DROSHA: variants seen among roughly 807,000 people sequenced by gnomAD.
The protein encoded by DROSHA is ribonuclease 3.
A neutral mutation model predicts 181.9 loss-of-function variants in DROSHA; 56 were observed. The observed-to-expected ratio is 0.31, with a 90% CI of 0.25 to 0.38. The LOEUF (loss-of-function observed/expected upper bound fraction) is 0.38, where lower values mean the gene tolerates loss of function less well. Ranked by LOEUF, DROSHA falls within the 10% of genes least tolerant of loss-of-function variation. The pLI is 1.00. For missense variants in DROSHA, 1,218 were observed against 1,743.5 expected, an observed-to-expected ratio of 0.70 and a Z score of 5.37; for synonymous variants, 524 against 591.2, an observed-to-expected ratio of 0.89 and a Z score of 1.65.
chr5:31,464,648 G>A (rs1748804519), intron 19 of DROSHA, among the ~76,000 whole-genome samples: 1 of 150,956 alleles, frequency 6.6e-6, no homozygotes, highest in South Asian at 2.1e-4. Context: ...AATGTGGTTT[G>A]GGATTTGAAA....
At chr5:31,496,002 T>C (rs947528078) in intron 11 of DROSHA, among the ~76,000 whole-genome samples, 4 of 151,938 alleles carry the variant, frequency 2.6e-5, no homozygotes, top group Non-Finnish European at 5.9e-5. Context: ...CTGGGAGAGG[T>C]GTGAGCTGCA....
intron 16 of DROSHA, among the ~76,000 whole-genome samples, chr5:31,476,103 G>A (rs59800766): frequency 0.013 from 2,026 of 152,268 alleles, 50 homozygotes; most frequent in African/African-American, 0.046. Context: ...GGTAGCTCAC[G>A]CCTGTAATCC....
intron 12 of DROSHA, 139 bp from the exon 13 acceptor site, chr5:31,493,432 T>A: frequency 1.6e-6 from 1 of 644,860 alleles, no homozygotes; most frequent in Non-Finnish European, 2.5e-6. Flanking sequence ...ATACAAAGTT[T>A]AATTTTACAT....
At chr5:31,493,728 C>T (rs1321269592) in intron 12 of DROSHA, among the ~76,000 whole-genome samples, 1 of 152,154 alleles carries the variant, frequency 6.6e-6, no homozygotes, top group Non-Finnish European at 1.5e-5. Context: ...AGAAGTCTCT[C>T]AAAGGCCTCT....
At chr5:31,521,381 G>C (rs1179198640) in intron 5 of DROSHA, among the ~76,000 whole-genome samples, 166 bp from the exon 6 acceptor site, 2 of 152,132 alleles carry the variant, frequency 1.3e-5, no homozygotes, top group East Asian at 3.9e-4. Context: ...GAGGATAAAG[G>C]AGCTTTTCAC....
At chr5:31,426,254 A>G (rs1249269557) in intron 27 of DROSHA, among the ~76,000 whole-genome samples, 1 of 151,838 alleles carries the variant, frequency 6.6e-6, no homozygotes, top group African/African-American at 2.4e-5. Flanking sequence ...AATATACTGA[A>G]AAGATCTAGA....
intron 29 of DROSHA, 100 bp from the exon 30 acceptor site, chr5:31,421,477 G>T: frequency 2.1e-6 from 2 of 972,706 alleles, no homozygotes; most frequent in Middle Eastern, 2.3e-4. Flanking sequence ...AAAAGACAAT[G>T]TGTTCATTTT....
intron 13 of DROSHA, among the ~76,000 whole-genome samples, chr5:31,487,065 GATA>G (rs1751867913): frequency 6.6e-6 from 1 of 152,110 alleles, no homozygotes; most frequent in Admixed American, 6.5e-5. Context: ...AATAACAAAT[GATA>G]ATAAAAATAA....
intron 20 of DROSHA, among the ~76,000 whole-genome samples, chr5:31,454,939 C>CAA (rs11340436): frequency 8.1e-5 from 6 of 74,310 alleles, no homozygotes; most frequent in African/African-American, 1.4e-4. Flanking sequence ...GACTCTGTCT[C>CAA]AAAAAAAAAA....
intron 3 of DROSHA, among the ~76,000 whole-genome samples, chr5:31,530,287 C>T (rs1345967205): frequency 6.6e-6 from 1 of 152,006 alleles, no homozygotes; most frequent in East Asian, 1.9e-4. Context: ...CGCCTGACTC[C>T]TTATTACTAT....
chr5:31,510,999 G>A (rs13183642), intron 9 of DROSHA, 36 bp downstream of exon 9: 5 of 1,602,810 alleles, frequency 3.1e-6, no homozygotes, highest in African/African-American at 2.7e-5. Context: ...AGCTATAATC[G>A]CAAGGGTCTC....
intron 20 of DROSHA, among the ~76,000 whole-genome samples, chr5:31,462,458 G>A (rs150284605): frequency 6.6e-6 from 1 of 152,180 alleles, no homozygotes; most frequent in East Asian, 1.9e-4. Flanking sequence ...GAAACTGAGT[G>A]AGTCCTTTTG....
chr5:31,410,633 G>A (rs548292577), intron 31 of DROSHA, 113 bp downstream of exon 31: 2 of 1,409,358 alleles, frequency 1.4e-6, no homozygotes, highest in South Asian at 1.6e-5. Flanking sequence ...AATTAAAATA[G>A]CAAACAAGGT....
chr5:31,455,094 G>A (rs963425488), intron 20 of DROSHA, among the ~76,000 whole-genome samples: 1 of 151,800 alleles, frequency 6.6e-6, no homozygotes. Flanking sequence ...GATTTGAAAA[G>A]AAGTGACAAA....
At chr5:31,437,019 C>T (rs996264663) in intron 24 of DROSHA, among the ~76,000 whole-genome samples, 25 of 152,178 alleles carry the variant, frequency 1.6e-4, no homozygotes, top group African/African-American at 5.8e-4. Context: ...GACAGAGACA[C>T]CAGCCTTTCA....
rs779819211 is a variant in DROSHA, at chr5:31,526,333, ACTG to A, written c.597_599del (p.Ser201del). ...GAGGGAGATGTCTGAAATGAGGACT[ACTG>A]CTGTTATTAGCACTGGGCAGGAAAG... On this transcript the variant is annotated inframe_deletion, in exon 5 of 36. Transcript: ENST00000344624. 9 of 1,613,630 alleles carry A rather than the reference ACTG, an allele frequency of 5.6e-6. No homozygotes were observed. In the Admixed American group the frequency reaches 1.5e-4, roughly 27 times the overall value.
chr5:31,448,549 C>T lies in DROSHA; in HGVS notation c.2880G>A (p.Ser960=), dbSNP rs753459619. 2 of 1,612,818 alleles carry T rather than the reference C, an allele frequency of 1.2e-6. No individual in the cohort carries two copies. The highest frequency in any genetic ancestry group is 1.7e-6 in the Non-Finnish European group (2 of 1,178,996). ...SRLGQDDPTP[S]RINHNERLEF... ...TGTTTATTAAAAATCAACTTTACCT[C>T]GAGGGAGTTGGGTCATCTTGGCCAA... The change falls in exon 23 of 36, where the codon TCG becomes TCA. Residue 960 remains serine, a splice_region_variant and synonymous_variant. Transcript: ENST00000344624.
intron 18 of DROSHA, chr5:31,467,279 T>C (rs563475960): frequency 1.5e-4 from 20 of 131,934 alleles, no homozygotes; most frequent in Non-Finnish European, 3.0e-4. Context: ...TCTCCCACTA[T>C]GAATCCTTTT....
intron 17 of DROSHA, among the ~76,000 whole-genome samples, chr5:31,469,287 G>A (rs1749467244): frequency 6.6e-6 from 1 of 152,114 alleles, no homozygotes; most frequent in Non-Finnish European, 1.5e-5. Context: ...AACCCGGGAG[G>A]CGGAGGTTGT....
Sources: gnomAD v4.1 joint callset for allele counts (sites outside exome capture counted in the v4.1 genomes callset) on GRCh38, gnomAD v4.1.1 for gene constraint, MANE v1.5 for transcripts, NCBI Gene and HGNC (gene_info 2026-07-23, HGNC 2026-07-21) for gene names.